The following GALNT7 variants were observed in gnomAD, a reference collection of about 807,000 sequenced individuals.
GALNT7 encodes the protein N-acetylgalactosaminyltransferase 7.
A neutral mutation model predicts 82.1 loss-of-function variants in GALNT7; 60 were observed. The observed-to-expected ratio is 0.73, with a 90% CI of 0.59 to 0.91. GALNT7 has a LOEUF of 0.91. Ranked by LOEUF, GALNT7 falls within the 40% of genes least tolerant of loss-of-function variation. GALNT7 has a pLI of 0.00. For synonymous variants in GALNT7, 243 were observed against 275.1 expected, an observed-to-expected ratio of 0.88 and a Z score of 1.15; for missense variants, 660 against 804.2, an observed-to-expected ratio of 0.82 and a Z score of 2.17.
intron 10 of GALNT7, 112 bp downstream of exon 10, chr4:173,317,844 T>C: frequency 1.5e-6 from 1 of 683,740 alleles, no homozygotes; most frequent in Non-Finnish European, 2.6e-6. Context: ...TTTGTTTGTT[T>C]TGATAAAGTA....
chr4:173,300,107 A>G (rs1736866092), intron 6 of GALNT7, among the ~76,000 whole-genome samples: 2 of 152,236 alleles, frequency 1.3e-5, no homozygotes, highest in Non-Finnish European at 2.9e-5. Context: ...CTGGGGATAC[A>G]TTTTTAAAGA....
At chr4:173,242,643 T>C (rs1561169827) in intron 1 of GALNT7, among the ~76,000 whole-genome samples, 1 of 152,190 alleles carries the variant, frequency 6.6e-6, no homozygotes, top group Non-Finnish European at 1.5e-5. Context: ...AGCTCTTCAG[T>C]CAGCCGGAAA....
chr4:173,228,732 T>C (rs1295732688), intron 1 of GALNT7, among the ~76,000 whole-genome samples: 1 of 152,156 alleles, frequency 6.6e-6, no homozygotes, highest in Non-Finnish European at 1.5e-5. Context: ...TTTCCCCGCC[T>C]AGGAGGGTCT....
intron 8 of GALNT7, among the ~76,000 whole-genome samples, chr4:173,305,774 A>G (rs1365443449): frequency 1.3e-5 from 2 of 152,178 alleles, no homozygotes; most frequent in East Asian, 3.8e-4. Context: ...TTATGTGAGT[A>G]CCATACTGTT....
chr4:173,244,459 C>T (rs927061571), intron 1 of GALNT7, among the ~76,000 whole-genome samples: 7 of 152,080 alleles, frequency 4.6e-5, no homozygotes, highest in East Asian at 3.9e-4. Flanking sequence ...TGTGTCAGGG[C>T]GAGAAGCACT....
chr4:173,232,377 T>C (rs1481090751), intron 1 of GALNT7, among the ~76,000 whole-genome samples: 1 of 152,152 alleles, frequency 6.6e-6, no homozygotes, highest in Non-Finnish European at 1.5e-5. Flanking sequence ...TATATTTTGA[T>C]ACATGCATAC....
intron 3 of GALNT7, among the ~76,000 whole-genome samples, chr4:173,294,128 GAA>G (rs1736634750): frequency 6.6e-6 from 1 of 152,104 alleles, no homozygotes; most frequent in South Asian, 2.1e-4. Flanking sequence ...ATCAAAACTT[GAA>G]ACATAGGCCA....
intron 1 of GALNT7, among the ~76,000 whole-genome samples, chr4:173,183,491 C>T (rs1312797129): frequency 1.3e-5 from 2 of 149,452 alleles, no homozygotes; most frequent in Non-Finnish European, 1.5e-5. Context: ...TTTTTTTTTT[C>T]CCCAAGGCAG....
At chr4:173,237,351 T>G (rs937140025) in intron 1 of GALNT7, among the ~76,000 whole-genome samples, 1 of 152,238 alleles carries the variant, frequency 6.6e-6, no homozygotes, top group African/African-American at 2.4e-5. Flanking sequence ...AAGAGCCGTT[T>G]TATGCATTTC....
chr4:173,281,172 G>GCATACCTCTGTCTCTGCTGCCTC, intron 2 of GALNT7, among the ~76,000 whole-genome samples: 1 of 152,146 alleles, frequency 6.6e-6, no homozygotes, highest in Non-Finnish European at 1.5e-5. Context: ...GTTCTGGCCT[G>GCATACCTCTGTCTCTGCTGCCTC]CTTACCTCTG....
chr4:173,294,399 T>C (rs1736646901), intron 3 of GALNT7, among the ~76,000 whole-genome samples: 1 of 152,094 alleles, frequency 6.6e-6, no homozygotes, highest in Admixed American at 6.6e-5. Context: ...AAGTTTTTTT[T>C]CTCAATTCCA....
rs140588445 is a variant in GALNT7, at chr4:173,202,190, A to C, written c.126+33229A>C. Among the ~76,000 whole-genome samples, 687 of 152,338 alleles carry C rather than the reference A, an allele frequency of 4.5e-3. 6 individuals are homozygous for C. The highest frequency in any genetic ancestry group is 0.015 in the African/African-American group (618 of 41,570). On this transcript the variant is annotated intron_variant, in intron 1 of 11. Transcript: ENST00000265000. The stretch of plus-strand genomic sequence containing the variant: ...TATTCTTGAAAACTGAGAATCAAAC[A>C]GTATTTAAAGTACTTTTTCTGGTTT...
At chr4:173,221,932 A>G (rs576181838) in intron 1 of GALNT7, among the ~76,000 whole-genome samples, 2 of 152,224 alleles carry the variant, frequency 1.3e-5, no homozygotes, top group South Asian at 4.1e-4. Flanking sequence ...CTATTTTAGC[A>G]TGACTCAGAA....
intron 1 of GALNT7, among the ~76,000 whole-genome samples, chr4:173,175,178 T>A (rs998742485): frequency 6.6e-6 from 1 of 152,250 alleles, no homozygotes; most frequent in Non-Finnish European, 1.5e-5. Flanking sequence ...ATTTCGATTC[T>A]CATTCCTGAA....
rs187875545 is a variant in GALNT7 at position 173,219,971 on chromosome 4, T to G, written c.127-28009T>G. 3.3e-5 allele frequency among the ~76,000 whole-genome samples: 5 copies of G among 152,364 alleles called. No individual in the cohort carries two copies. The East Asian group carries it at 7.7e-4, about 23-fold the overall frequency. ...TGTTTACTCTGCTAATTATTTCTTTTGCTGTGCAGAAGCTTTTTAGTTCAA... is the reference window on the plus strand; with the variant it reads ...TGTTTACTCTGCTAATTATTTCTTTGGCTGTGCAGAAGCTTTTTAGTTCAA... On this transcript the variant is annotated intron_variant, in intron 1 of 11. Coordinates refer to ENST00000265000, the MANE Select transcript of GALNT7 (RefSeq NM_017423.3).
chr4:173,281,178 C>G (rs912686272), intron 2 of GALNT7, among the ~76,000 whole-genome samples: 1 of 152,132 alleles, frequency 6.6e-6, no homozygotes, highest in Non-Finnish European at 1.5e-5. Flanking sequence ...GCCTGCTTAC[C>G]TCTGTCTCTG....
intron 1 of GALNT7, among the ~76,000 whole-genome samples, chr4:173,235,605 G>C (rs1015781719): frequency 8.0e-5 from 12 of 150,084 alleles, no homozygotes; most frequent in Non-Finnish European, 1.3e-4. Flanking sequence ...GTCCAGGCTG[G>C]AGTGCAGTGG....
At chr4:173,188,304 C>T (rs1207346505) in intron 1 of GALNT7, among the ~76,000 whole-genome samples, 1 of 152,122 alleles carries the variant, frequency 6.6e-6, no homozygotes, top group Non-Finnish European at 1.5e-5. Flanking sequence ...GCAGAGCCTA[C>T]CTTTTCAGGT....
At chr4:173,276,360 C>T (rs1366740470) in intron 2 of GALNT7, among the ~76,000 whole-genome samples, 1 of 152,090 alleles carries the variant, frequency 6.6e-6, no homozygotes, top group African/African-American at 2.4e-5. Context: ...TTTTGACCTT[C>T]ACAGGGATTG....
Sources: allele counts gnomAD v4.1 joint callset (sites outside exome capture counted in the v4.1 genomes callset), GRCh38; gene constraint gnomAD v4.1.1; transcripts MANE v1.5; gene names NCBI Gene and HGNC (gene_info 2026-07-23, HGNC 2026-07-21).